LGI4: variants seen among roughly 807,000 people sequenced by gnomAD.
LGI4 encodes the protein leucine rich repeat LGI family member 4, also known as leucine-rich repeat LGI family member 4.
In LGI4, 36 loss-of-function variants were observed where a neutral mutation model predicts 48.3. The ratio of observed to expected loss-of-function variants is 0.75; its 90% CI spans 0.57 to 0.98. The LOEUF (loss-of-function observed/expected upper bound fraction) is 0.98. LGI4 is among the 50% of genes least tolerant of loss of function. LGI4 has a pLI of 0.00. For synonymous variants in LGI4, 355 were observed against 331.6 expected, an observed-to-expected ratio of 1.07 and a Z score of -0.77; for missense variants, 701 against 732.1, an observed-to-expected ratio of 0.96 and a Z score of 0.49.
chr19:35,133,851 G>A (rs1318890357), intron 2 of LGI4, 87 bp from the exon 3 acceptor site: 6 of 1,436,462 alleles, frequency 4.2e-6, no homozygotes, highest in Non-Finnish European at 5.7e-6. Context: ...AGCCTAGGTG[G>A]GCATGGGCAC....
chr19:35,133,426 AT>A, intron 3 of LGI4: 2 of 1,301,344 alleles, frequency 1.5e-6, no homozygotes, highest in Non-Finnish European at 2.0e-6. Context: ...GGCTCTGGTT[AT>A]CCGGGCCCTT....
rs528971777 is a variant in LGI4 at position 35,126,332 on chromosome 19, G to T, written c.1237C>A (p.Arg413Ser). The T allele has an allele frequency of 3.7e-6, 6 of 1,611,530 alleles. No individual in the cohort carries two copies. The highest frequency in any genetic ancestry group is 5.1e-6 in the Non-Finnish European group (6 of 1,179,414). ...ACGTCCCCACCAGCCTGGAAGTGGCGTGTGGCATAGACATCCTCGGCCTCG... is the reference window on the plus strand; with the variant it reads ...ACGTCCCCACCAGCCTGGAAGTGGCTTGTGGCATAGACATCCTCGGCCTCG... ...IPEAEDVYAT[R>S]HFQAGGDVFL... The change falls in exon 8 of 9, where the codon CGC becomes AGC. Residue 413 changes from arginine (R) to serine (S), a missense_variant. Arg to Ser is a moderately radical substitution (Grantham distance 110). Around this residue, in one of 3 missense-constraint regions of LGI4, gnomAD observed 223 missense variants for 263.3 expected, o/e 0.85. Transcript: ENST00000310123.
Position 35,125,235 on chromosome 19 carries a change from G to T in LGI4, c.1572C>A (p.Pro524=). Residue 524 remains proline (P), a synonymous_variant, in exon 9 of 9, where the codon CCC becomes CCA. Coordinates refer to ENST00000310123, the MANE Select transcript of LGI4 (RefSeq NM_139284.3). The part of the protein sequence containing the change: ...RFLFAACFKG[P]TQIYQHHEID... ...TCTCGTGATGCTGGTAGATCTGTGT[G>T]GGGCCCTTAAAGCAAGCAGCAAAGA... The T allele has an allele frequency of 3.8e-6, 6 of 1,577,984 alleles. No individual in the cohort carries two copies. The highest frequency in any genetic ancestry group is 5.2e-6 in the Non-Finnish European group (6 of 1,160,074).
Position 35,126,767 on chromosome 19 carries a change from C to T in LGI4, c.802G>A (p.Val268Met). 1 of 1,548,174 alleles carries T rather than the reference C, an allele frequency of 6.5e-7. No individual in the cohort carries two copies. Among genetic ancestry groups the T allele is most frequent in the Non-Finnish European group, 8.7e-7 (1 of 1,152,204 alleles). ...AGCACCAGTGGCTTGCAGGACACCA[C>T]GGAGGCCGCTGTGGGGAGGTGGGGA... The part of the protein sequence containing the change: ...RPEEELPAAS[V>M]VSCKPLVLGP... Residue 268 changes from valine (V) to methionine (M), a missense_variant, in exon 8 of 9, where the codon GTG becomes ATG. Coordinates refer to ENST00000310123, the MANE Select transcript of LGI4 (RefSeq NM_139284.3).
chr19:35,127,068 A>G, intron 6 of LGI4, 51 bp from the exon 7 acceptor site: 2 of 1,504,856 alleles, frequency 1.3e-6, no homozygotes, highest in Non-Finnish European at 1.8e-6. Context: ...CAGGGTCCTC[A>G]TTGCTGAGCC....
intron 8 of LGI4, chr19:35,125,759 A>T (rs1630545): frequency 6.8e-5 from 46 of 672,912 alleles, no homozygotes; most frequent in Non-Finnish European, 1.2e-4. Context: ...TTCTCCCACC[A>T]CCTCTGGCTG....
intron 6 of LGI4, among the ~76,000 whole-genome samples, chr19:35,127,950 C>G (rs889985621): frequency 1.3e-5 from 2 of 152,362 alleles, no homozygotes; most frequent in East Asian, 3.9e-4. Context: ...CCCCCATTCA[C>G]CGCCCTCGCT....
rs2065192801 is a variant in LGI4, at chr19:35,134,033, A to T, written c.242T>A (p.Leu81His). The T allele has an allele frequency of 1.3e-6, 2 of 1,559,166 alleles. No individual in the cohort carries two copies. The highest frequency in any genetic ancestry group is 2.7e-5 in the African/African-American group (2 of 73,550). ...SFLRIPSLHL[L>H]LFTSNSFSVI... ...GTCGGCCCAGCCAGGCCCCACTCAC[A>T]GCAGGTGCAGAGACGGAATTCTCAG... Residue 81 changes from leucine (L) to histidine (H), a missense_variant and splice_region_variant, in exon 2 of 9, where the codon CTC becomes CAC. Physicochemically the swap from Leu to His is moderately conservative, Grantham distance 99. This residue lies in a region of LGI4 where 462 missense variants were observed against 436.4 expected (regional missense o/e 1.06). Transcript: ENST00000310123.
At position 35,126,771 on chromosome 19, in the gene LGI4, G is replaced by A. The variant is rs995840068; in HGVS notation, c.798C>T (p.Ala266=). 6.4e-7 allele frequency: 1 copy of A among 1,551,628 alleles called. No individual in the cohort carries two copies. Among genetic ancestry groups the A allele is most frequent in the East Asian group, 2.4e-5 (1 of 41,662 alleles). ...CCAGTGGCTTGCAGGACACCACGGA[G>A]GCCGCTGTGGGGAGGTGGGGAGGCA... is the stretch of plus-strand genomic sequence containing the variant. ...RFRPEEELPA[A]SVVSCKPLVL... The change falls in exon 8 of 9, where the codon GCC becomes GCT. Residue 266 remains alanine (A), a synonymous_variant. Transcript: ENST00000310123.
chr19:35,127,137 T>C, intron 6 of LGI4, 120 bp from the exon 7 acceptor site: 2 of 1,026,192 alleles, frequency 1.9e-6, no homozygotes, highest in Non-Finnish European at 2.8e-6. Context: ...CATAGGGACA[T>C]ATAACTGGAA....
At position 35,125,266 on chromosome 19, in the gene LGI4, C is replaced by G. The variant is rs772443439; in HGVS notation, c.1541G>C (p.Arg514Pro). The change falls in exon 9 of 9, where the codon CGC (arginine) becomes CCC (proline). Residue 514 changes from arginine to proline, a missense_variant. This residue lies in a region of LGI4 where 223 missense variants were observed against 263.3 expected (regional missense o/e 0.85). Coordinates refer to ENST00000310123, the MANE Select transcript of LGI4 (RefSeq NM_139284.3). Reference protein sequence around the residue: ...AFAHITMAGRRFLFAACFKGP... With the variant: ...AFAHITMAGRPFLFAACFKGP... ...CTTAAAGCAAGCAGCAAAGAGGAAG[C>G]GTCTGCCGGCCATAGTGATGTGGGC... The G allele has an allele frequency of 3.8e-6, 6 of 1,598,402 alleles. No individual in the cohort carries two copies. The highest frequency in any genetic ancestry group is 5.1e-6 in the Non-Finnish European group (6 of 1,170,874).
At position 35,134,667 on chromosome 19, in the gene LGI4, C is replaced by T; in HGVS notation, c.14G>A (p.Gly5Asp). The T allele has an allele frequency of 6.9e-7, 1 of 1,454,240 alleles. No homozygotes were observed. Among genetic ancestry groups the T allele is most frequent in the Non-Finnish European group, 9.3e-7 (1 of 1,071,242 alleles). The allele number at this position is 1,454,240 out of a possible 1,614,324, so 90.1% of individuals were successfully genotyped here. MGGA[G>D]ILLLLLAGAG... The stretch of plus-strand genomic sequence containing the variant: ...CCCAGCCAGCAGCAGCAGCAGAATG[C>T]CTGCCCCTCCCATGCCCCCACCCCC... Residue 5 changes from glycine to aspartate, a missense_variant, in exon 1 of 9, where the codon GGC (glycine) becomes GAC (aspartate). Physicochemically the swap from Gly to Asp is moderately conservative, Grantham distance 94. Coordinates refer to ENST00000310123, the MANE Select transcript of LGI4 (RefSeq NM_139284.3).
intron 6 of LGI4, 84 bp from the exon 7 acceptor site, chr19:35,127,101 A>G (rs2065145943): frequency 1.4e-6 from 2 of 1,380,534 alleles, no homozygotes; most frequent in Non-Finnish European, 1.9e-6. Flanking sequence ...CATCTCTGAA[A>G]TGGAGGCCAT....
Position 35,131,872 on chromosome 19 carries a change from A to T in LGI4, c.387-12T>A, listed in dbSNP as rs2065178066. 1 of 1,569,728 alleles carries T rather than the reference A, an allele frequency of 6.4e-7. No homozygotes were observed. Among genetic ancestry groups the T allele is most frequent in the Non-Finnish European group, 8.6e-7 (1 of 1,157,048 alleles). ...TATTGGCCAGGCTTCTGGTGGAGGA[A>T]GAGAAGGCACCGTCAGCAGCCACAA... On this transcript the variant is annotated splice_polypyrimidine_tract_variant and intron_variant, in intron 4 of 8. Coordinates refer to ENST00000310123, the MANE Select transcript of LGI4 (RefSeq NM_139284.3).
At chr19:35,133,995 C>T in intron 2 of LGI4, 38 bp downstream of exon 2, 1 of 1,543,934 alleles carries the variant, frequency 6.5e-7, no homozygotes, top group African/African-American at 1.4e-5. Flanking sequence ...ACGCACACTC[C>T]CTTGAGCTGG....
rs532546368 is a variant in LGI4, at chr19:35,130,258, A to G, written c.628+1128T>C. ...CCTGGGCCCACTTTTCTTCCTCTAT[A>G]CTTTGTCTGTGTGTCTTATTTCTTT... On this transcript the variant is annotated intron_variant, in intron 6 of 8. Coordinates refer to ENST00000310123, the MANE Select transcript of LGI4 (RefSeq NM_139284.3). Among the ~76,000 whole-genome samples the G allele has an allele frequency of 5.3e-5, 8 of 151,536 alleles. No individual in the cohort carries two copies. The East Asian group carries it at 1.2e-3, about 22-fold the overall frequency.
At chr19:35,127,479 C>A (rs953768313) in intron 6 of LGI4, among the ~76,000 whole-genome samples, 6 of 152,172 alleles carry the variant, frequency 3.9e-5, no homozygotes, top group Admixed American at 3.3e-4. Flanking sequence ...CCTCCACCTC[C>A]TGGGTTCAAA....
chr19:35,126,296 G>A lies in LGI4; in HGVS notation c.1273C>T (p.Leu425Phe). 1 of 1,612,102 alleles carries A rather than the reference G, an allele frequency of 6.2e-7. No individual in the cohort carries two copies. Among genetic ancestry groups the A allele is most frequent in the East Asian group, 2.2e-5 (1 of 44,852 alleles). Residue 425 changes from leucine (L) to phenylalanine (F), a missense_variant, in exon 8 of 9, where the codon CTC becomes TTC. Around this residue, in one of 3 missense-constraint regions of LGI4, gnomAD observed 223 missense variants for 263.3 expected, o/e 0.85. Transcript: ENST00000310123. ...ATGGAGTCCCCAATGTAGCGTGTGAGGCACAGGAACACGTCCCCACCAGCC... is the reference window on the plus strand; with the variant it reads ...ATGGAGTCCCCAATGTAGCGTGTGAAGCACAGGAACACGTCCCCACCAGCC... ...FQAGGDVFLC[L>F]TRYIGDSMVM...
In LGI4 at chr19:35,125,376, C is replaced by G; in HGVS notation, c.1431G>C (p.Gln477His). 2.5e-6 allele frequency: 4 copies of G among 1,613,362 alleles called. No homozygotes were observed. In the South Asian group the frequency reaches 3.3e-5, roughly 13 times the overall value. Residue 477 changes from glutamine to histidine, a missense_variant, in exon 9 of 9, where the codon CAG (glutamine) becomes CAC (histidine). By Grantham distance (24) the Gln-to-His change is conservative. This residue lies in a region of LGI4 where 223 missense variants were observed against 263.3 expected (regional missense o/e 0.85). Coordinates refer to ENST00000310123, the MANE Select transcript of LGI4 (RefSeq NM_139284.3). The stretch of plus-strand genomic sequence containing the variant: ...CCTTGTCAGGCTCAAGGCGGAGGAC[C>G]TGGCTGAAGGCGAAGTCGCTGCCTA... Reference protein sequence around the residue: ...AILGSDFAFSQVLRLEPDKGL... With the variant: ...AILGSDFAFSHVLRLEPDKGL...
Sources: allele counts gnomAD v4.1 joint callset (sites outside exome capture counted in the v4.1 genomes callset), GRCh38; gene constraint gnomAD v4.1.1; regional missense constraint gnomAD v4.1.1; transcripts MANE v1.5; gene names NCBI Gene and HGNC (gene_info 2026-07-23, HGNC 2026-07-21).